Variants in NDST3 observed in about 807,000 individuals in gnomAD.
The protein encoded by NDST3 is N-deacetylase and N-sulfotransferase 3.
A neutral mutation model predicts 96.1 loss-of-function variants in NDST3; 58 were observed. The ratio of observed to expected loss-of-function variants is 0.60; its 90% CI spans 0.49 to 0.75. NDST3 has a LOEUF of 0.75. Ranked by LOEUF, NDST3 falls within the 30% of genes least tolerant of loss-of-function variation. The pLI is 0.00. For missense variants in NDST3, 788 were observed against 1,034.2 expected, an observed-to-expected ratio of 0.76 and a Z score of 3.27; for synonymous variants, 333 against 359.7, an observed-to-expected ratio of 0.93 and a Z score of 0.84.
At chr4:118,059,393 T>A (rs930398987) in intron 2 of NDST3, among the ~76,000 whole-genome samples, 3 of 152,160 alleles carry the variant, frequency 2.0e-5, no homozygotes, top group Admixed American at 6.6e-5. Flanking sequence ...AGTTCTTAAA[T>A]TTTTAATACA....
chr4:118,198,126 C>T (rs1290877419), intron 6 of NDST3, among the ~76,000 whole-genome samples: 4 of 152,036 alleles, frequency 2.6e-5, no homozygotes, highest in African/African-American at 9.7e-5. Context: ...TTCAGCTACT[C>T]TGTGTCCTTT....
Position 118,114,882 on chromosome 4 carries a change from G to A in NDST3, c.1146G>A (p.Trp382Ter). ...AGTTCTGGTGGTTTCCTCACATGTG[G>A]AGCCATATGCAGCCCCACCTCTTCC... ...VDEFWWFPHM[W>*]SHMQPHLFHN... is the part of the protein sequence containing the mutation. The change falls in exon 4 of 14, where the codon TGG becomes TGA. Residue 382 changes from tryptophan (W) to a stop codon, truncating the protein, a stop_gained. Transcript: ENST00000296499. LOFTEE classifies it high-confidence loss of function. 6.2e-7 allele frequency: 1 copy of A among 1,614,058 alleles called. No individual in the cohort carries two copies. Among genetic ancestry groups the A allele is most frequent in the Non-Finnish European group, 8.5e-7 (1 of 1,179,984 alleles).
chr4:118,243,571 G>C (rs1398361490), intron 12 of NDST3, among the ~76,000 whole-genome samples: 1 of 152,192 alleles, frequency 6.6e-6, no homozygotes, highest in African/African-American at 2.4e-5. Flanking sequence ...AGAAAGCTGA[G>C]TGATTTCAGT....
At chr4:118,102,271 T>C (rs1729825666) in intron 2 of NDST3, among the ~76,000 whole-genome samples, 1 of 152,090 alleles carries the variant, frequency 6.6e-6, no homozygotes, top group African/African-American at 2.4e-5. Context: ...ATCAAGCCAC[T>C]TTTGAAGGTA....
chr4:118,124,780 C>A (rs114588395), intron 4 of NDST3, among the ~76,000 whole-genome samples: 306 of 152,198 alleles, frequency 2.0e-3, no homozygotes, highest in Admixed American at 4.1e-3. Flanking sequence ...TAAGGTGACA[C>A]TTCTGTTTTA....
intron 4 of NDST3, among the ~76,000 whole-genome samples, chr4:118,116,086 C>T (rs1025269161): frequency 6.6e-6 from 1 of 152,114 alleles, no homozygotes; most frequent in Non-Finnish European, 1.5e-5. Context: ...AAATAATAAG[C>T]AGCATGTAAA....
chr4:118,203,916 T>C (rs1738260785), intron 6 of NDST3, among the ~76,000 whole-genome samples: 2 of 152,276 alleles, frequency 1.3e-5, no homozygotes, highest in Admixed American at 1.3e-4. Flanking sequence ...CAAAAATCCC[T>C]ATAAATTTCC....
rs1578736354 is a variant in NDST3 at position 118,153,680 on chromosome 4, C to T, written c.1539+9996C>T. On this transcript the variant is annotated intron_variant, in intron 6 of 13. Transcript: ENST00000296499. ...CTATACTAAAAATACAAAAATTAGC[C>T]GGGCGTGGTGGTGCATGCCTGTAAT... is the stretch of plus-strand genomic sequence containing the variant. 3.3e-5 allele frequency among the ~76,000 whole-genome samples: 5 copies of T among 151,936 alleles called. No homozygotes were observed. In the South Asian group the frequency reaches 8.3e-4, roughly 25 times the overall value.
chr4:118,174,066 TG>T (rs1736123115), intron 6 of NDST3, among the ~76,000 whole-genome samples: 1 of 152,158 alleles, frequency 6.6e-6, no homozygotes, highest in African/African-American at 2.4e-5. Context: ...TGTGCAACTG[TG>T]GTTTAAATTG....
At chr4:118,152,082 C>T (rs1373984437) in intron 6 of NDST3, among the ~76,000 whole-genome samples, 1 of 152,086 alleles carries the variant, frequency 6.6e-6, no homozygotes, top group Non-Finnish European at 1.5e-5. Context: ...AAGAAATTAA[C>T]TTTTCTAATG....
At chr4:118,243,665 GT>G (rs1453857578) in intron 12 of NDST3, among the ~76,000 whole-genome samples, 5 of 152,142 alleles carry the variant, frequency 3.3e-5, no homozygotes, top group Non-Finnish European at 1.5e-5. Flanking sequence ...TTTCTAAACA[GT>G]TTTCTATTTC....
chr4:118,069,616 C>G (rs568960453), intron 2 of NDST3, among the ~76,000 whole-genome samples: 1 of 152,078 alleles, frequency 6.6e-6, no homozygotes, highest in South Asian at 2.1e-4. Context: ...TCCTCAGTCT[C>G]TCTACACGCT....
intron 6 of NDST3, among the ~76,000 whole-genome samples, chr4:118,216,396 C>G (rs1013827987): frequency 6.6e-6 from 1 of 152,008 alleles, no homozygotes. Context: ...ATAAATAGCT[C>G]TTCATTATTA....
intron 2 of NDST3, 164 bp downstream of exon 2, chr4:118,055,055 G>A (rs758599680): frequency 8.5e-6 from 7 of 822,192 alleles, no homozygotes; most frequent in Admixed American, 2.2e-5. Context: ...AGAAGATTAT[G>A]TATTTCTATC....
At chr4:118,065,052 T>C (rs1294616813) in intron 2 of NDST3, among the ~76,000 whole-genome samples, 1 of 152,128 alleles carries the variant, frequency 6.6e-6, no homozygotes, top group Non-Finnish European at 1.5e-5. Flanking sequence ...TCTCCCCATA[T>C]CAAAGTCCTT....
intron 2 of NDST3, among the ~76,000 whole-genome samples, chr4:118,076,907 C>T (rs1249678047): frequency 6.6e-6 from 1 of 152,180 alleles, no homozygotes; most frequent in Non-Finnish European, 1.5e-5. Context: ...CTCGTTCTTT[C>T]TCATCTGTGT....
chr4:118,114,758 T>C, intron 3 of NDST3, 48 bp from the exon 4 acceptor site: 3 of 1,546,852 alleles, frequency 1.9e-6, no homozygotes, highest in Non-Finnish European at 2.7e-6. Flanking sequence ...TGATTGATCA[T>C]AGATCAGTGT....
At chr4:118,135,841 T>C (rs1733039060) in intron 4 of NDST3, among the ~76,000 whole-genome samples, 1 of 152,110 alleles carries the variant, frequency 6.6e-6, no homozygotes, top group African/African-American at 2.4e-5. Flanking sequence ...TCACCACCAC[T>C]GTACACCAGC....
chr4:118,101,948 C>T (rs1450239182), intron 2 of NDST3, among the ~76,000 whole-genome samples: 1 of 151,988 alleles, frequency 6.6e-6, no homozygotes, highest in Non-Finnish European at 1.5e-5. Flanking sequence ...TAGGAGAAAG[C>T]CCATGATATA....
Sources: gnomAD v4.1 joint callset for allele counts (sites outside exome capture counted in the v4.1 genomes callset) on GRCh38, gnomAD v4.1.1 for gene constraint, MANE v1.5 for transcripts, NCBI Gene and HGNC (gene_info 2026-07-23, HGNC 2026-07-21) for gene names.